The following BICC1 variants were observed in gnomAD, a reference collection of about 807,000 sequenced individuals.
BICC1 encodes the protein BicC family RNA binding protein 1.
BICC1 carries 43 observed loss-of-function variants against 111.0 expected under a neutral mutation model. The ratio of observed to expected loss-of-function variants is 0.39; its 90% CI spans 0.30 to 0.50. BICC1 has a LOEUF of 0.50. Among genes scored for constraint, BICC1 ranks in the 20% least tolerant of loss-of-function variants. BICC1 has a pLI of 0.88. For synonymous variants in BICC1, 467 were observed against 434.4 expected, an observed-to-expected ratio of 1.07 and a Z score of -0.93; for missense variants, 1,091 against 1,203.2, an observed-to-expected ratio of 0.91 and a Z score of 1.38.
intron 1 of BICC1, among the ~76,000 whole-genome samples, chr10:58,608,477 A>G (rs1021495148): frequency 9.3e-4 from 141 of 152,352 alleles, no homozygotes; most frequent in Non-Finnish European, 1.6e-3. Context: ...GTCTCTGCCC[A>G]GAATTCCCTT....
At chr10:58,565,912 T>C (rs1240742753) in intron 1 of BICC1, among the ~76,000 whole-genome samples, 2 of 152,126 alleles carry the variant, frequency 1.3e-5, no homozygotes, top group Admixed American at 1.3e-4. Flanking sequence ...TGGTACACCT[T>C]ACCCAAGCAC....
chr10:58,574,957 C>T (rs918031614), intron 1 of BICC1, among the ~76,000 whole-genome samples: 3 of 151,720 alleles, frequency 2.0e-5, no homozygotes, highest in African/African-American at 4.8e-5. Flanking sequence ...TGTGTGAAAA[C>T]GAGTGAGCAA....
chr10:58,637,199 G>A (rs1427492226), intron 2 of BICC1, among the ~76,000 whole-genome samples: 1 of 152,024 alleles, frequency 6.6e-6, no homozygotes, highest in Admixed American at 6.6e-5. Context: ...TTTCCTTCTC[G>A]AGTGAAGATT....
At chr10:58,745,715 C>A (rs1037467391) in intron 3 of BICC1, among the ~76,000 whole-genome samples, 1 of 149,712 alleles carries the variant, frequency 6.7e-6, no homozygotes, top group African/African-American at 2.4e-5. Flanking sequence ...CTTTAAGGAG[C>A]CTTATGATTA....
chr10:58,625,361 T>C (rs1211120982), intron 2 of BICC1, among the ~76,000 whole-genome samples: 1 of 152,216 alleles, frequency 6.6e-6, no homozygotes, highest in African/African-American at 2.4e-5. Context: ...GTGATTGTAT[T>C]ACACATGTGA....
chr10:58,823,969 T>C (rs934416981), intron 20 of BICC1: 47 of 985,322 alleles, frequency 4.8e-5, no homozygotes, highest in Non-Finnish European at 5.5e-5. Flanking sequence ...GCCATCTGTA[T>C]GCATGCCTGC....
rs868490786 is a variant in BICC1 at position 58,820,288 on chromosome 10, T to G, written c.2695-81T>G. The G allele has an allele frequency of 1.1e-5, 10 of 885,954 alleles. No homozygotes were observed. In the Middle Eastern group the frequency reaches 2.1e-3, roughly 187 times the overall value. 54.9% of individuals were successfully genotyped at this position (885,954 alleles called of 1,614,324 possible). A position where few individuals can be genotyped will look rare whatever the true frequency, so the allele number is the denominator to read the frequency against. On this transcript the variant is annotated intron_variant, in intron 19 of 20. Transcript: ENST00000373886. ...AGGCAGAGCATAATTAATAAATAAG[T>G]GTGACAACAAGTTGATCCTACAGTG...
intron 1 of BICC1, among the ~76,000 whole-genome samples, chr10:58,554,616 A>G (rs1487837862): frequency 6.6e-6 from 1 of 151,884 alleles, no homozygotes; most frequent in African/African-American, 2.4e-5. Flanking sequence ...CAAACATCAG[A>G]AAAAAAATGC....
intron 1 of BICC1, among the ~76,000 whole-genome samples, chr10:58,587,453 A>G (rs964485789): frequency 1.3e-4 from 20 of 152,202 alleles, no homozygotes; most frequent in African/African-American, 9.7e-5. Context: ...ACACTTACAG[A>G]TATTTTCCAG....
At chr10:58,808,738 G>A (rs1843797139) in intron 17 of BICC1, among the ~76,000 whole-genome samples, 1 of 147,734 alleles carries the variant, frequency 6.8e-6, no homozygotes, top group South Asian at 2.1e-4. Context: ...TTTTTGACGT[G>A]GAGTCTCACT....
intron 1 of BICC1, among the ~76,000 whole-genome samples, chr10:58,554,048 T>A (rs1205479766): frequency 6.6e-6 from 1 of 152,194 alleles, no homozygotes; most frequent in African/African-American, 2.4e-5. Flanking sequence ...ATAATGTTTT[T>A]GTTATGTTTA....
intron 1 of BICC1, among the ~76,000 whole-genome samples, chr10:58,525,632 C>G (rs541044642): frequency 8.6e-5 from 13 of 150,338 alleles, no homozygotes; most frequent in Non-Finnish European, 1.6e-4. Flanking sequence ...TTAATGGGTG[C>G]AGCACACCAA....
intron 2 of BICC1, among the ~76,000 whole-genome samples, chr10:58,659,441 A>G (rs1232586223): frequency 6.6e-6 from 1 of 152,206 alleles, no homozygotes; most frequent in African/African-American, 2.4e-5. Context: ...AGCAACATGG[A>G]TGGAGCTGGA....
intron 1 of BICC1, among the ~76,000 whole-genome samples, chr10:58,524,146 A>G (rs7393810): frequency 0.46 from 69,755 of 151,828 alleles, 17,085 homozygotes; most frequent in Admixed American, 0.62. Context: ...TATAGATTCA[A>G]TGCCATCCCC....
chr10:58,824,926 T>C (rs1450023442), intron 20 of BICC1, among the ~76,000 whole-genome samples: 1 of 152,186 alleles, frequency 6.6e-6, no homozygotes, highest in Non-Finnish European at 1.5e-5. Flanking sequence ...GGTTGATGCA[T>C]ACTCATAAAA....
At chr10:58,827,487 T>C (rs545311593) in intron 20 of BICC1, among the ~76,000 whole-genome samples, 11 of 152,324 alleles carry the variant, frequency 7.2e-5, no homozygotes, top group Middle Eastern at 3.4e-3. Flanking sequence ...GGGATTTCAA[T>C]ATCAGATCTT....
chr10:58,612,096 A>C (rs1005406351), intron 1 of BICC1, among the ~76,000 whole-genome samples: 2 of 152,226 alleles, frequency 1.3e-5, no homozygotes, highest in African/African-American at 4.8e-5. Flanking sequence ...TACAGCATTC[A>C]GATGATACTT....
intron 1 of BICC1, among the ~76,000 whole-genome samples, chr10:58,581,625 TAAC>T (rs777017419): frequency 6.6e-6 from 1 of 152,160 alleles, no homozygotes; most frequent in Non-Finnish European, 1.5e-5. Context: ...TAGTCTTAGT[TAAC>T]AACATTAACG....
At chr10:58,539,754 G>A (rs1842913491) in intron 1 of BICC1, among the ~76,000 whole-genome samples, 1 of 151,834 alleles carries the variant, frequency 6.6e-6, no homozygotes, top group African/African-American at 2.4e-5. Flanking sequence ...GAGAAACAGA[G>A]CACTTGAATA....
Sources: gnomAD v4.1 joint callset for allele counts (sites outside exome capture counted in the v4.1 genomes callset) on GRCh38, gnomAD v4.1.1 for gene constraint, MANE v1.5 for transcripts, NCBI Gene and HGNC (gene_info 2026-07-23, HGNC 2026-07-21) for gene names.